The following DOCK8 variants were observed in gnomAD, a reference collection of about 807,000 sequenced individuals.
DOCK8 encodes dedicator of cytokinesis 8.
In DOCK8, 141 loss-of-function variants were observed where a neutral mutation model predicts 245.6. The ratio of observed to expected loss-of-function variants is 0.57; its 90% CI spans 0.50 to 0.66. The LOEUF (loss-of-function observed/expected upper bound fraction) is 0.66. DOCK8 is among the 30% of genes least tolerant of loss of function. DOCK8 has a pLI of 0.00. For synonymous variants in DOCK8, 1,168 were observed against 970.2 expected (o/e 1.20, Z -3.79); for missense variants, 2,965 against 2,603.4 (o/e 1.14, Z -3.02).
At chr9:239,092 G>C (rs960305454) in intron 1 of DOCK8, among the ~76,000 whole-genome samples, 1 of 152,204 alleles carries the variant, frequency 6.6e-6, no homozygotes, top group Admixed American at 6.5e-5. Context: ...GCCAGGAATT[G>C]ATTTATTTTC....
Position 334,310 on chromosome 9 carries a change from C to A in DOCK8, c.1211C>A (p.Ala404Glu). The change falls in exon 11 of 48, where the codon GCA becomes GAA. Residue 404 changes from alanine (A) to glutamate (E), a missense_variant. Transcript: ENST00000432829. Reference protein sequence around the residue: ...LGKYRMPFAWAPISLSSFFNV... With the variant: ...LGKYRMPFAWEPISLSSFFNV... ...AAATACCGGATGCCCTTTGCCTGGG[C>A]ACCCATAAGCTTATCAAGCTTCTTC... is the stretch of plus-strand genomic sequence containing the variant. 1 of 1,614,148 alleles carries A rather than the reference C, an allele frequency of 6.2e-7. No individual in the cohort carries two copies. The highest frequency in any genetic ancestry group is 8.5e-7 in the Non-Finnish European group (1 of 1,180,012).
At chr9:395,628 C>T (rs1356096304) in intron 24 of DOCK8, among the ~76,000 whole-genome samples, 2 of 150,958 alleles carry the variant, frequency 1.3e-5, no homozygotes, top group Non-Finnish European at 3.0e-5. Context: ...GTGTAGGGAC[C>T]CAACCACAAG....
intron 24 of DOCK8, among the ~76,000 whole-genome samples, chr9:395,474 C>T (rs940893453): frequency 4.6e-5 from 7 of 152,122 alleles, no homozygotes; most frequent in African/African-American, 1.7e-4. Context: ...TGGAAGTCCC[C>T]TCTTCTTCCA....
chr9:390,217 C>G (rs907617366), intron 23 of DOCK8, among the ~76,000 whole-genome samples: 1 of 152,152 alleles, frequency 6.6e-6, no homozygotes, highest in African/African-American at 2.4e-5. Flanking sequence ...CACTCCCAGG[C>G]TGAGTCCACT....
chr9:325,154 A>G (rs1411454558), intron 7 of DOCK8, among the ~76,000 whole-genome samples: 1 of 152,018 alleles, frequency 6.6e-6, no homozygotes, highest in Non-Finnish European at 1.5e-5. Context: ...ATTTCCTTCT[A>G]TTTTATGGAT....
At chr9:248,720 C>G (rs1267444094) in intron 1 of DOCK8, among the ~76,000 whole-genome samples, 1 of 152,116 alleles carries the variant, frequency 6.6e-6, no homozygotes, top group Non-Finnish European at 1.5e-5. Context: ...TGTTCCTGTC[C>G]TATTCACCAA....
chr9:298,618 AGTGTGTGTGTGT>A (rs34998339), intron 4 of DOCK8, among the ~76,000 whole-genome samples: 118 of 145,400 alleles, frequency 8.1e-4, no homozygotes, highest in African/African-American at 2.9e-3. Flanking sequence ...CACATCTGTA[AGTGTGTGTGTGT>A]GTGTGTGTGT....
intron 14 of DOCK8, among the ~76,000 whole-genome samples, chr9:361,082 G>A (rs917337162): frequency 2.6e-5 from 4 of 151,958 alleles, no homozygotes; most frequent in African/African-American, 4.8e-5. Context: ...GCAGAGGATC[G>A]CTTGAGCCCA....
rs1216223222 is a variant in DOCK8 at position 263,555 on chromosome 9, CT to C, written c.54-8069del. ...TTTACCCTTTTGGTGTATTTCAATGCTTTCAGCACTTCTGTGTTTCCCTTTG... is the reference window on the plus strand; with the variant it reads ...TTTACCCTTTTGGTGTATTTCAATGCTTCAGCACTTCTGTGTTTCCCTTTG... On this transcript the variant is annotated intron_variant, in intron 1 of 47. Transcript: ENST00000432829. Among the ~76,000 whole-genome samples, 3 of 152,160 alleles carry C rather than the reference CT, an allele frequency of 2.0e-5. No homozygotes were observed. The East Asian group carries it at 5.8e-4, about 29-fold the overall frequency.
At chr9:408,861 AACAC>A (rs71314709) in intron 28 of DOCK8, among the ~76,000 whole-genome samples, 2,417 of 147,498 alleles carry the variant, frequency 0.016, 20 homozygotes, top group African/African-American at 0.025. Context: ...ACATTCTTCA[AACAC>A]ACACACACAC....
intron 37 of DOCK8, 123 bp downstream of exon 37, chr9:432,447 G>T: frequency 1.0e-6 from 1 of 965,774 alleles, no homozygotes; most frequent in Non-Finnish European, 1.5e-6. Flanking sequence ...AGTATTTATT[G>T]TCCAATATGC....
chr9:437,851 C>A (rs1483408449), intron 39 of DOCK8, among the ~76,000 whole-genome samples: 3 of 152,234 alleles, frequency 2.0e-5, no homozygotes, highest in Non-Finnish European at 2.9e-5. Flanking sequence ...TTGTACCTCC[C>A]TGATCCTGAA....
intron 39 of DOCK8, 73 bp from the exon 40 acceptor site, chr9:439,172 C>T: frequency 6.3e-7 from 1 of 1,599,082 alleles, no homozygotes; most frequent in Admixed American, 1.7e-5. Context: ...CTCGTTTCCC[C>T]ATTCGGGGTT....
chr9:282,484 T>C (rs2048632080), intron 2 of DOCK8, among the ~76,000 whole-genome samples: 1 of 150,142 alleles, frequency 6.7e-6, no homozygotes, highest in African/African-American at 2.5e-5. Flanking sequence ...AGTGATGTGA[T>C]CACAGCTCAC....
intron 18 of DOCK8, among the ~76,000 whole-genome samples, chr9:372,618 A>G (rs542744636): frequency 1.1e-4 from 17 of 151,996 alleles, no homozygotes; most frequent in African/African-American, 3.8e-4. Flanking sequence ...GGATCCTTAT[A>G]AAAGATTCCC....
At chr9:216,410 C>T (rs543480030) in intron 1 of DOCK8, among the ~76,000 whole-genome samples, 6 of 151,950 alleles carry the variant, frequency 3.9e-5, no homozygotes, top group Admixed American at 3.9e-4. Flanking sequence ...GTTGCATGCA[C>T]CTGTAGCCCC....
chr9:216,574 G>A (rs1363283474), intron 1 of DOCK8, among the ~76,000 whole-genome samples: 3 of 145,326 alleles, frequency 2.1e-5, no homozygotes, highest in Non-Finnish European at 4.5e-5. Context: ...AAGGCATGAA[G>A]TATATCAGGG....
At chr9:272,962 A>G in intron 2 of DOCK8, 2 of 828,760 alleles carry the variant, frequency 2.4e-6, no homozygotes, top group Non-Finnish European at 2.9e-6. Context: ...TGAAGAGGTT[A>G]GGTTACTTTT....
chr9:407,630 C>CACAG (rs111536502), intron 28 of DOCK8, among the ~76,000 whole-genome samples: 1 of 151,586 alleles, frequency 6.6e-6, no homozygotes. Context: ...AGTCAACAGA[C>CACAG]AGAGAGGTAG....
Sources: allele counts gnomAD v4.1 joint callset (sites outside exome capture counted in the v4.1 genomes callset), GRCh38; gene constraint gnomAD v4.1.1; transcripts MANE v1.5; gene names NCBI Gene and HGNC (gene_info 2026-07-23, HGNC 2026-07-21).